The following TAFA1 variants were observed in gnomAD, a reference collection of about 807,000 sequenced individuals.
TAFA1 encodes TAFA chemokine like family member 1, also known as chemokine-like protein TAFA-1.
Under a neutral mutation model 18.5 loss-of-function variants are expected in TAFA1, and 4 were observed. The ratio of observed to expected loss-of-function variants is 0.22; its 90% CI spans 0.11 to 0.49. The LOEUF is 0.49. Ranked by LOEUF, TAFA1 falls within the 20% of genes least tolerant of loss-of-function variation. TAFA1 has a pLI of 0.98. For missense variants in TAFA1, 147 were observed against 169.0 expected (o/e 0.87, Z 0.72); for synonymous variants, 56 against 55.2 (o/e 1.01, Z -0.06).
At chr3:68,034,954 G>A (rs1417968374) in intron 2 of TAFA1, among the ~76,000 whole-genome samples, 1 of 152,140 alleles carries the variant, frequency 6.6e-6, no homozygotes, top group Non-Finnish European at 1.5e-5. Context: ...CTTAGGGCTT[G>A]CTCACAAATT....
At chr3:68,078,564 A>C (rs996483984) in intron 2 of TAFA1, among the ~76,000 whole-genome samples, 10 of 152,118 alleles carry the variant, frequency 6.6e-5, no homozygotes, top group Admixed American at 1.3e-4. Context: ...ATCTATTGAG[A>C]TAATCATGTG....
Position 68,545,262 on chromosome 3 carries a change from T to C in TAFA1, c.*759T>C, listed in dbSNP as rs1339918557. On this transcript the variant is annotated 3_prime_UTR_variant, in exon 5 of 5. Transcript: ENST00000478136. Reference sequence around the variant, plus strand: ...ACTAGCTTTTCCACTTAGAAGAAAATGAGGATTCTTAAGGGAGCCACTCCA... The same window carrying C: ...ACTAGCTTTTCCACTTAGAAGAAAACGAGGATTCTTAAGGGAGCCACTCCA... The C allele has an allele frequency of 6.6e-6, 1 of 152,548 alleles. No individual in the cohort carries two copies. Among genetic ancestry groups the C allele is most frequent in the East Asian group, 1.9e-4 (1 of 5,198 alleles). 9.4% of individuals were successfully genotyped at this position (152,548 alleles called of 1,614,324 possible).
intron 2 of TAFA1, among the ~76,000 whole-genome samples, chr3:68,226,203 T>C (rs1358705614): frequency 6.6e-6 from 1 of 152,198 alleles, no homozygotes; most frequent in Non-Finnish European, 1.5e-5. Flanking sequence ...GGTCAGGGTA[T>C]AACTGAAAAT....
At chr3:68,318,969 T>A (rs867752997) in intron 2 of TAFA1, among the ~76,000 whole-genome samples, 47 of 152,178 alleles carry the variant, frequency 3.1e-4, no homozygotes, top group South Asian at 8.3e-4. Context: ...TTAATGCAGA[T>A]AACTCAGAAG....
chr3:68,154,214 A>G (rs1306148717), intron 2 of TAFA1, among the ~76,000 whole-genome samples: 1 of 152,162 alleles, frequency 6.6e-6, no homozygotes, highest in Non-Finnish European at 1.5e-5. Context: ...GCATCCAGTC[A>G]GCTAATAAGC....
rs954754343 is a variant in TAFA1, at chr3:68,216,571, C to T, written c.119-200709C>T. ...TGTATATATGCGGCATTGTTATACA[C>T]GTATATTTCCTTGACATAGCAGTGA... On this transcript the variant is annotated intron_variant, in intron 2 of 4. Coordinates refer to ENST00000478136, the MANE Select transcript of TAFA1 (RefSeq NM_213609.4). Among the ~76,000 whole-genome samples, 14 of 152,026 alleles carry T rather than the reference C, an allele frequency of 9.2e-5. 1 individual carries two copies. The highest frequency in any genetic ancestry group is 1.4e-4 in the African/African-American group (6 of 41,414).
chr3:68,116,528 A>G (rs1033670687), intron 2 of TAFA1, among the ~76,000 whole-genome samples: 2 of 152,202 alleles, frequency 1.3e-5, no homozygotes, highest in African/African-American at 4.8e-5. Flanking sequence ...CAATCTAATT[A>G]TTCCCAACCA....
intron 3 of TAFA1, among the ~76,000 whole-genome samples, chr3:68,451,046 C>A (rs956881655): frequency 6.6e-6 from 1 of 152,164 alleles, no homozygotes; most frequent in Non-Finnish European, 1.5e-5. Flanking sequence ...GGCAGTTTAG[C>A]TCCAGAGTCC....
chr3:68,220,705 G>T (rs191127441), intron 2 of TAFA1, among the ~76,000 whole-genome samples: 1 of 152,114 alleles, frequency 6.6e-6, no homozygotes. Context: ...GGCTCTCTCA[G>T]TCTCTGTGGA....
chr3:68,194,001 C>A (rs1335716656), intron 2 of TAFA1, among the ~76,000 whole-genome samples: 1 of 151,776 alleles, frequency 6.6e-6, no homozygotes, highest in Admixed American at 6.6e-5. Flanking sequence ...AAGTCCACTT[C>A]ATGTGTCTTT....
intron 2 of TAFA1, among the ~76,000 whole-genome samples, chr3:68,124,170 T>C (rs899848510): frequency 6.6e-6 from 1 of 152,318 alleles, no homozygotes; most frequent in Non-Finnish European, 1.5e-5. Context: ...TTAATGAAAG[T>C]TTTAAATGTG....
In TAFA1 at chr3:68,081,787, A is replaced by G. The variant is rs181500998; in HGVS notation, c.118+75043A>G. 9.8e-3 allele frequency among the ~76,000 whole-genome samples: 1,494 copies of G among 152,334 alleles called. 13 individuals carry two copies. Among genetic ancestry groups the G allele is most frequent in the Non-Finnish European group, 0.017 (1,156 of 68,026 alleles). On this transcript the variant is annotated intron_variant, in intron 2 of 4. Coordinates refer to ENST00000478136, the MANE Select transcript of TAFA1 (RefSeq NM_213609.4). ...TTTTGTTTGTCTTTGCCCTGCCCCTAGAGGTGGAGCCTACAGAGGCAGGCA... is the reference window on the plus strand; with the variant it reads ...TTTTGTTTGTCTTTGCCCTGCCCCTGGAGGTGGAGCCTACAGAGGCAGGCA...
chr3:68,443,676 C>T (rs1349863910), intron 3 of TAFA1, among the ~76,000 whole-genome samples: 1 of 151,994 alleles, frequency 6.6e-6, no homozygotes, highest in Non-Finnish European at 1.5e-5. Context: ...AAGAACAGTG[C>T]AGGAAAGACC....
intron 3 of TAFA1, among the ~76,000 whole-genome samples, chr3:68,524,728 T>A (rs1033227033): frequency 6.6e-6 from 1 of 152,016 alleles, no homozygotes; most frequent in Non-Finnish European, 1.5e-5. Flanking sequence ...TGGAGTGCAG[T>A]GGTGCGATCT....
intron 2 of TAFA1, among the ~76,000 whole-genome samples, chr3:68,178,950 A>G (rs2066161831): frequency 6.6e-6 from 1 of 152,160 alleles, no homozygotes; most frequent in Admixed American, 6.5e-5. Context: ...CCCCAAACAC[A>G]CGTCTGGGGC....
At chr3:68,487,330 AAAG>A (rs2072362726) in intron 3 of TAFA1, among the ~76,000 whole-genome samples, 1 of 152,228 alleles carries the variant, frequency 6.6e-6, no homozygotes, top group Admixed American at 6.5e-5. Context: ...TGACAAAAGA[AAAG>A]AATAGCCAAG....
chr3:68,186,525 C>A lies in TAFA1; in HGVS notation c.118+179781C>A, dbSNP rs903524800. Among the ~76,000 whole-genome samples the A allele has an allele frequency of 2.0e-5, 3 of 152,054 alleles. No individual in the cohort carries two copies. The East Asian group carries it at 5.8e-4, about 30-fold the overall frequency. ...TTAGACTTTTGTTTTTTTCCCTTTT[C>A]TTTCACCATTGTATGCCTCATCTCT... On this transcript the variant is annotated intron_variant, in intron 2 of 4. Transcript: ENST00000478136.
At chr3:68,025,427 T>C (rs928685461) in intron 2 of TAFA1, among the ~76,000 whole-genome samples, 1 of 152,164 alleles carries the variant, frequency 6.6e-6, no homozygotes, top group Non-Finnish European at 1.5e-5. Flanking sequence ...CTACAATCTA[T>C]ATTTTTCACA....
chr3:68,247,049 C>T (rs1389456248), intron 2 of TAFA1: 1 of 151,886 alleles, frequency 6.6e-6, no homozygotes, highest in East Asian at 1.9e-4. Context: ...CAGCAACATT[C>T]CTGGCACATA....
Sources: gnomAD v4.1 joint callset for allele counts (sites outside exome capture counted in the v4.1 genomes callset) on GRCh38, gnomAD v4.1.1 for gene constraint, MANE v1.5 for transcripts, NCBI Gene and HGNC (gene_info 2026-07-23, HGNC 2026-07-21) for gene names.